The following NEDD4L variants were observed in gnomAD, a reference collection of about 807,000 sequenced individuals.
The protein encoded by NEDD4L is E3 ubiquitin-protein ligase NEDD4-like.
A neutral mutation model predicts 148.9 loss-of-function variants in NEDD4L; 54 were observed. That is an observed-to-expected ratio of 0.36 (90% CI 0.29 to 0.45). NEDD4L has a LOEUF of 0.45. Among genes scored for constraint, NEDD4L ranks in the 20% least tolerant of loss-of-function variants. The probability of loss-of-function intolerance (pLI) is 1.00; values close to 1 mark genes in which losing one functional copy is unlikely to be tolerated. For missense variants in NEDD4L, 856 were observed against 1,233.8 expected, an observed-to-expected ratio of 0.69 and a Z score of 4.59; for synonymous variants, 433 against 440.7, an observed-to-expected ratio of 0.98 and a Z score of 0.22.
At chr18:58,206,762 A>AGTGTGTGG (rs1224422367) in intron 2 of NEDD4L, among the ~76,000 whole-genome samples, 6 of 152,188 alleles carry the variant, frequency 3.9e-5, no homozygotes, top group African/African-American at 1.4e-4. Context: ...GAGGCATTTA[A>AGTGTGTGG]GTGTGTGGGT....
chr18:58,343,001 A>G lies in NEDD4L; in HGVS notation c.1473A>G (p.Gln491=), dbSNP rs1339486932. The change falls in exon 16 of 31, where the codon CAA becomes CAG. Residue 491 remains glutamine, a synonymous_variant. Coordinates refer to ENST00000400345, the MANE Select transcript of NEDD4L (RefSeq NM_001144967.3). ...QPSPYNSPKP[Q]HKVTQSFLPP... ...CACCTTACAACTCCCCCAAACCACAACACAAAGTCACACAGAGCTTCTTGC... is the reference window on the plus strand; with the variant it reads ...CACCTTACAACTCCCCCAAACCACAGCACAAAGTCACACAGAGCTTCTTGC... 1.2e-6 allele frequency: 2 copies of G among 1,613,756 alleles called. No individual in the cohort carries two copies. The highest frequency in any genetic ancestry group is 1.7e-5 in the Admixed American group (1 of 59,988).
rs182924495 is a variant in NEDD4L at position 58,316,801 on chromosome 18, C to A, written c.348+769C>A. 4.8e-3 allele frequency among the ~76,000 whole-genome samples: 738 copies of A among 152,342 alleles called. 3 individuals are homozygous for A. Among genetic ancestry groups the A allele is most frequent in the Middle Eastern group, 0.014 (4 of 294 alleles). ...CGGCTTGTCCCAGCCTTCCTCCTGG[C>A]CTTCTTCCCTGGGCAGCACAACGAC... On this transcript the variant is annotated intron_variant, in intron 6 of 30. Coordinates refer to ENST00000400345, the MANE Select transcript of NEDD4L (RefSeq NM_001144967.3).
chr18:58,245,600 G>A, intron 3 of NEDD4L, 92 bp downstream of exon 3: 2 of 617,626 alleles, frequency 3.2e-6, no homozygotes, highest in Admixed American at 5.4e-5. Context: ...TTTGGTCAAG[G>A]ATGGACTACT....
chr18:58,226,784 T>C (rs973286477), intron 2 of NEDD4L, among the ~76,000 whole-genome samples: 4 of 152,110 alleles, frequency 2.6e-5, no homozygotes, highest in African/African-American at 4.8e-5. Flanking sequence ...AGAGATGACA[T>C]CCAGTTGTTT....
chr18:58,241,898 A>G (rs1012147911), intron 2 of NEDD4L, among the ~76,000 whole-genome samples: 2 of 151,986 alleles, frequency 1.3e-5, no homozygotes, highest in Admixed American at 6.5e-5. Context: ...GCAAAATAGA[A>G]TTTGCCTTTT....
chr18:58,149,372 TG>T lies in NEDD4L; in HGVS notation c.49-16413del, dbSNP rs2034432992. The T allele has an allele frequency of 1.6e-5, 23 of 1,436,606 alleles. No individual in the cohort carries two copies. In the South Asian group the frequency reaches 3.5e-4, roughly 22 times the overall value. The allele number at this position is 1,436,606 out of a possible 1,614,324, so 89.0% of individuals were successfully genotyped here. Reference sequence around the variant, plus strand: ...GGAACAACCGTGTAGACTGCTTTCCTGGGAGTCAAGTTAAAACTTCTCTCCT... The same window carrying T: ...GGAACAACCGTGTAGACTGCTTTCCTGGAGTCAAGTTAAAACTTCTCTCCT... On this transcript the variant is annotated intron_variant, in intron 1 of 30. Coordinates refer to ENST00000400345, the MANE Select transcript of NEDD4L (RefSeq NM_001144967.3).
intron 1 of NEDD4L, among the ~76,000 whole-genome samples, chr18:58,048,055 T>A (rs1027071600): frequency 6.6e-6 from 1 of 152,214 alleles, no homozygotes; most frequent in South Asian, 2.1e-4. Flanking sequence ...ATAGGATAAA[T>A]GGCACCTTCT....
intron 1 of NEDD4L, among the ~76,000 whole-genome samples, chr18:58,162,092 T>C (rs778127854): frequency 6.6e-6 from 1 of 152,158 alleles, no homozygotes; most frequent in Non-Finnish European, 1.5e-5. Flanking sequence ...CACCTCTCCA[T>C]CTCTATCTTA....
chr18:58,126,422 G>T (rs969736733), intron 1 of NEDD4L, among the ~76,000 whole-genome samples: 24 of 152,252 alleles, frequency 1.6e-4, no homozygotes, highest in Non-Finnish European at 1.8e-4. Flanking sequence ...TTCACGTGGC[G>T]TGTTTCCACG....
At chr18:58,315,832 G>C in intron 5 of NEDD4L, 150 bp from the exon 6 acceptor site, 1 of 746,666 alleles carries the variant, frequency 1.3e-6, no homozygotes, top group Non-Finnish European at 2.4e-6. Flanking sequence ...CCCGGGGTGT[G>C]GTTACTCGTG....
chr18:58,331,886 A>G (rs911372582), intron 11 of NEDD4L, among the ~76,000 whole-genome samples: 5 of 152,228 alleles, frequency 3.3e-5, no homozygotes, highest in Middle Eastern at 3.2e-3. Flanking sequence ...ATACGCCTCT[A>G]TTACATGAGT....
At chr18:58,139,894 T>C (rs1419393043) in intron 1 of NEDD4L, among the ~76,000 whole-genome samples, 1 of 152,146 alleles carries the variant, frequency 6.6e-6, no homozygotes, top group Non-Finnish European at 1.5e-5. Context: ...GCAGGTGAGA[T>C]GGAGGCTTTG....
At chr18:58,178,660 A>G (rs2038457928) in intron 2 of NEDD4L, among the ~76,000 whole-genome samples, 1 of 152,250 alleles carries the variant, frequency 6.6e-6, no homozygotes, top group Non-Finnish European at 1.5e-5. Flanking sequence ...TTCCTACTGT[A>G]TAATATCAAC....
At chr18:58,139,705 C>T (rs957622218) in intron 1 of NEDD4L, among the ~76,000 whole-genome samples, 1 of 152,038 alleles carries the variant, frequency 6.6e-6, no homozygotes, top group Admixed American at 6.5e-5. Context: ...GAAATCTGGC[C>T]GAGCAGAGGC....
At chr18:58,102,135 G>A (rs1271767428) in intron 1 of NEDD4L, among the ~76,000 whole-genome samples, 1 of 151,998 alleles carries the variant, frequency 6.6e-6, no homozygotes, top group South Asian at 2.1e-4. Flanking sequence ...TTGAATTAAG[G>A]TCGGGTATGT....
intron 2 of NEDD4L, among the ~76,000 whole-genome samples, chr18:58,233,409 CAA>C (rs1372977424): frequency 6.6e-6 from 1 of 152,078 alleles, no homozygotes; most frequent in Non-Finnish European, 1.5e-5. Context: ...TGGCGGCAGA[CAA>C]GAGAGAAATG....
intron 1 of NEDD4L, among the ~76,000 whole-genome samples, chr18:58,098,693 C>T (rs965205213): frequency 2.0e-5 from 3 of 152,120 alleles, no homozygotes; most frequent in East Asian, 1.9e-4. Flanking sequence ...TCACACTTTC[C>T]GGAATTATTT....
intron 1 of NEDD4L, among the ~76,000 whole-genome samples, chr18:58,109,223 T>A (rs1170028106): frequency 6.6e-6 from 1 of 152,242 alleles, no homozygotes; most frequent in Non-Finnish European, 1.5e-5. Flanking sequence ...GAGGGCGTGA[T>A]AAGTGCTACA....
chr18:58,391,573 A>C lies in NEDD4L; in HGVS notation c.2825+14A>C. On this transcript the variant is annotated intron_variant, in intron 30 of 30. Transcript: ENST00000400345. ...AGCTCACACATGGTGAGTGACAAAAACACATGCATGTCAATGCAATATCTG... is the reference window on the plus strand; with the variant it reads ...AGCTCACACATGGTGAGTGACAAAACCACATGCATGTCAATGCAATATCTG... 1 of 1,548,210 alleles carries C rather than the reference A, an allele frequency of 6.5e-7. No homozygotes were observed. Among genetic ancestry groups the C allele is most frequent in the Non-Finnish European group, 8.8e-7 (1 of 1,139,780 alleles).
Sources: gnomAD v4.1 joint callset for allele counts (sites outside exome capture counted in the v4.1 genomes callset) on GRCh38, gnomAD v4.1.1 for gene constraint, MANE v1.5 for transcripts, NCBI Gene and HGNC (gene_info 2026-07-23, HGNC 2026-07-21) for gene names.